Variants in DNAH10 observed in about 807,000 individuals in gnomAD.
DNAH10 encodes the protein axonemal beta dynein heavy chain 10.
In DNAH10, 348 loss-of-function variants were observed where a neutral mutation model predicts 506.6. The observed-to-expected ratio is 0.69, with a 90% CI of 0.63 to 0.75. DNAH10 has a LOEUF of 0.75. Ranked by LOEUF, DNAH10 falls within the 30% of genes least tolerant of loss-of-function variation. The pLI, the probability that DNAH10 is intolerant of heterozygous loss-of-function variation, is 0.00. For missense variants in DNAH10, 5,179 were observed against 5,787.1 expected (o/e 0.89, Z 3.41); for synonymous variants, 2,059 against 2,198.6 (o/e 0.94, Z 1.78).
chr12:123,860,977 G>T (rs1169180768), intron 38 of DNAH10, 35 bp from the exon 39 acceptor site: 3 of 1,613,634 alleles, frequency 1.9e-6, no homozygotes, highest in African/African-American at 2.7e-5. Flanking sequence ...GCATTTAGTT[G>T]TCTTGAACCA....
chr12:123,892,708 G>A (rs942944562), intron 52 of DNAH10, among the ~76,000 whole-genome samples: 4 of 152,220 alleles, frequency 2.6e-5, no homozygotes, highest in African/African-American at 9.6e-5. Context: ...GTAGATATAG[G>A]AAAAAAGAAG....
At chr12:123,807,230 TCC>T (rs1958715783) in intron 18 of DNAH10, among the ~76,000 whole-genome samples, 1 of 151,106 alleles carries the variant, frequency 6.6e-6, no homozygotes, top group Non-Finnish European at 1.5e-5. Flanking sequence ...CATCCATCCA[TCC>T]ATCCAAGGTT....
chr12:123,923,645 G>T, intron 65 of DNAH10, 118 bp from the exon 66 acceptor site: 1 of 637,148 alleles, frequency 1.6e-6, no homozygotes, highest in Non-Finnish European at 2.6e-6. Flanking sequence ...AGGGGTAAAT[G>T]CAGCCATACA....
chr12:123,848,993 T>C (rs1951061869), intron 34 of DNAH10, 111 bp downstream of exon 34: 2 of 1,305,654 alleles, frequency 1.5e-6, no homozygotes, highest in Admixed American at 5.0e-5. Context: ...CAGACCAGGC[T>C]TCCTGTAGAA....
At chr12:123,832,190 G>GTACACATAATATATATACATGTATACATA (rs1960631211) in intron 26 of DNAH10, among the ~76,000 whole-genome samples, 1 of 151,702 alleles carries the variant, frequency 6.6e-6, no homozygotes, top group Admixed American at 6.6e-5. Context: ...ATATACACAC[G>GTACACATAATATATATACATGTATACATA]TACACATAAT....
At chr12:123,808,732 C>G in intron 18 of DNAH10, 65 bp from the exon 19 acceptor site, 1 of 1,553,608 alleles carries the variant, frequency 6.4e-7, no homozygotes, top group South Asian at 1.2e-5. Context: ...TCATTTCCAT[C>G]AATTGCTTGG....
intron 48 of DNAH10, among the ~76,000 whole-genome samples, chr12:123,878,540 G>A (rs1467236554): frequency 3.3e-5 from 5 of 152,134 alleles, no homozygotes; most frequent in South Asian, 2.1e-4. Context: ...GTGGAGTGAC[G>A]GTTCTTTGCT....
At chr12:123,789,312 C>G (rs1957988874) in intron 10 of DNAH10, among the ~76,000 whole-genome samples, 1 of 151,986 alleles carries the variant, frequency 6.6e-6, no homozygotes, top group Non-Finnish European at 1.5e-5. Context: ...ATGGGTATTT[C>G]ATTGTTACCA....
intron 2 of DNAH10, among the ~76,000 whole-genome samples, chr12:123,768,159 G>A (rs1232084674): frequency 7.3e-5 from 11 of 151,400 alleles, no homozygotes; most frequent in African/African-American, 2.4e-4. Context: ...TTTGAGACAG[G>A]GTCTCGCTCT....
intron 54 of DNAH10, among the ~76,000 whole-genome samples, chr12:123,896,346 G>A (rs1352558722): frequency 3.3e-5 from 5 of 152,044 alleles, no homozygotes; most frequent in Admixed American, 1.3e-4. Context: ...TGGATTAATC[G>A]GTACTTTCAA....
intron 40 of DNAH10, 26 bp from the exon 41 acceptor site, chr12:123,865,925 A>G (rs12580578): frequency 0.012 from 18,664 of 1,590,436 alleles, 383 homozygotes; most frequent in African/African-American, 0.074. Context: ...AGCTATAGCC[A>G]TGATTGATTT....
intron 8 of DNAH10, among the ~76,000 whole-genome samples, chr12:123,784,916 T>C (rs1344050602): frequency 6.6e-6 from 1 of 152,214 alleles, no homozygotes; most frequent in Non-Finnish European, 1.5e-5. Flanking sequence ...GTGTTAGTGT[T>C]TCACTCCTTT....
Position 123,913,543 on chromosome 12 carries a change from A to G in DNAH10, c.10352+228A>G, listed in dbSNP as rs2137477492. 6.6e-6 allele frequency among the ~76,000 whole-genome samples: 1 copy of G among 152,348 alleles called. No individual in the cohort carries two copies. Among genetic ancestry groups the G allele is most frequent in the East Asian group, 1.9e-4 (1 of 5,190 alleles). On this transcript the variant is annotated intron_variant, in intron 60 of 78. Transcript: ENST00000673944. The surrounding 1 kb of genome is among the most constrained non-coding windows in gnomAD (Gnocchi z 5.1). ...ATTAATTACTAAGGGTCAAGGAGGC[A>G]GTGCAGCTGTGGAGACGGGGGAATC...
chr12:123,890,910 A>G (rs1208393743), intron 52 of DNAH10, among the ~76,000 whole-genome samples: 1 of 152,150 alleles, frequency 6.6e-6, no homozygotes, highest in East Asian at 1.9e-4. Flanking sequence ...GGCTTGTGGC[A>G]TTAGGAGCGT....
chr12:123,934,252 A>AGCT, intron 77 of DNAH10: 1 of 699,050 alleles, frequency 1.4e-6, no homozygotes, highest in Non-Finnish European at 2.6e-6. Flanking sequence ...CTCACAGGGT[A>AGCT]GCTGGGGTTG....
At position 123,898,029 on chromosome 12, in the gene DNAH10, C is replaced by T. The variant is rs368806750; in HGVS notation, c.9478+62C>T. On this transcript the variant is annotated intron_variant, in intron 55 of 78. Coordinates refer to ENST00000673944, the MANE Select transcript of DNAH10 (RefSeq NM_001372106.1). Reference sequence around the variant, plus strand: ...TATTATTTATGGGTAAGGATTCGAGCGCTGATCTTTTCTTTAGTAAGATGG... The same window carrying T: ...TATTATTTATGGGTAAGGATTCGAGTGCTGATCTTTTCTTTAGTAAGATGG... 181 of 1,428,152 alleles carry T rather than the reference C, an allele frequency of 1.3e-4. 1 individual carries two copies. In the Admixed American group the frequency reaches 2.9e-3, roughly 23 times the overall value. The allele number at this position is 1,428,152 out of a possible 1,614,324, so 88.5% of individuals were successfully genotyped here.
chr12:123,859,009 G>A, intron 37 of DNAH10, 141 bp from the exon 38 acceptor site: 1 of 784,488 alleles, frequency 1.3e-6, no homozygotes, highest in East Asian at 3.0e-5. Context: ...GGGGATGGTT[G>A]CACAACTCTG....
At chr12:123,934,882 T>C (rs1017893612) in intron 78 of DNAH10, 116 bp downstream of exon 78, 11 of 1,362,392 alleles carry the variant, frequency 8.1e-6, no homozygotes, top group African/African-American at 1.5e-5. Flanking sequence ...CTAAGCTTTA[T>C]GGGCTGGGGA....
At chr12:123,800,101 G>T in intron 14 of DNAH10, 115 bp from the exon 15 acceptor site, 1 of 945,300 alleles carries the variant, frequency 1.1e-6, no homozygotes, top group Admixed American at 3.0e-5. Context: ...CAGCACCCCC[G>T]TCTGGTGAAG....
Sources: gnomAD v4.1 joint callset for allele counts (sites outside exome capture counted in the v4.1 genomes callset) on GRCh38, gnomAD v4.1.1 for gene constraint, Gnocchi (gnomAD v3.1) non-coding constraint, MANE v1.5 for transcripts, NCBI Gene and HGNC (gene_info 2026-07-23, HGNC 2026-07-21) for gene names.